The following STK3 variants were observed in gnomAD, a reference collection of about 807,000 sequenced individuals.
The protein encoded by STK3 is serine/threonine-protein kinase 3.
Under a neutral mutation model 58.0 loss-of-function variants are expected in STK3, and 41 were observed. The ratio of observed to expected loss-of-function variants is 0.71; its 90% CI spans 0.55 to 0.92. STK3 has a LOEUF of 0.92. Among genes scored for constraint, STK3 ranks in the 40% least tolerant of loss-of-function variants. STK3 has a pLI of 0.00. For synonymous variants in STK3, 170 were observed against 191.0 expected (o/e 0.89, Z 0.91); for missense variants, 479 against 602.7 (o/e 0.79, Z 2.15).
At chr8:98,643,137 G>A (rs1482944709) in intron 6 of STK3, among the ~76,000 whole-genome samples, 1 of 152,174 alleles carries the variant, frequency 6.6e-6, no homozygotes, top group African/African-American at 2.4e-5. Context: ...TGAGGTGGAA[G>A]GATCACTTGA....
intron 4 of STK3, among the ~76,000 whole-genome samples, chr8:98,707,774 C>A (rs993389963): frequency 6.6e-6 from 1 of 152,084 alleles, no homozygotes; most frequent in Non-Finnish European, 1.5e-5. Flanking sequence ...TCGAGAACCT[C>A]TTCTTCCCAC....
At chr8:98,517,132 A>G (rs1824990542) in intron 10 of STK3, among the ~76,000 whole-genome samples, 1 of 152,136 alleles carries the variant, frequency 6.6e-6, no homozygotes, top group East Asian at 1.9e-4. Flanking sequence ...TTTTTCCAAA[A>G]TACTTTCATC....
intron 1 of STK3, among the ~76,000 whole-genome samples, chr8:98,934,401 C>T (rs1297555816): frequency 6.6e-6 from 1 of 152,142 alleles, no homozygotes; most frequent in Non-Finnish European, 1.5e-5. Flanking sequence ...CAAGTCCGAC[C>T]CACCTTCTTT....
intron 6 of STK3, among the ~76,000 whole-genome samples, chr8:98,694,620 G>C (rs1444272957): frequency 6.6e-6 from 1 of 152,000 alleles, no homozygotes; most frequent in Non-Finnish European, 1.5e-5. Context: ...TTGTTCTTGC[G>C]ATAGTTTACT....
intron 6 of STK3, among the ~76,000 whole-genome samples, chr8:98,635,512 A>G (rs1024816058): frequency 6.6e-6 from 1 of 152,218 alleles, no homozygotes; most frequent in East Asian, 1.9e-4. Flanking sequence ...TCCAAAGTCC[A>G]TGATCTTAAT....
At chr8:98,485,490 C>T (rs889831888) in intron 10 of STK3, among the ~76,000 whole-genome samples, 2 of 152,162 alleles carry the variant, frequency 1.3e-5, no homozygotes, top group Non-Finnish European at 2.9e-5. Context: ...AGAACATACA[C>T]AGTCACAAGC....
At chr8:98,411,955 C>G (rs911990579) in intron 3 of STK3, among the ~76,000 whole-genome samples, 4 of 152,198 alleles carry the variant, frequency 2.6e-5, no homozygotes, top group Non-Finnish European at 5.9e-5. Flanking sequence ...CATTTTGCCT[C>G]TTTCTGTTCC....
At chr8:98,363,084 T>C in the STK3 span, among the ~76,000 whole-genome samples, 2 of 152,214 alleles carry the variant, frequency 1.3e-5, no homozygotes, top group African/African-American at 4.8e-5. Flanking sequence ...CAAACCACTG[T>C]AAAATTCTCA....
intron 3 of STK3, among the ~76,000 whole-genome samples, chr8:98,860,166 G>A (rs1399733431): frequency 6.6e-6 from 1 of 152,212 alleles, no homozygotes; most frequent in South Asian, 2.1e-4. Context: ...CAAGGTCCCT[G>A]TTCTCATGAA....
At position 98,825,659 on chromosome 8, in the gene STK3, C is replaced by T; in HGVS notation, c.-119G>A. 1 of 1,186,734 alleles carries T rather than the reference C, an allele frequency of 8.4e-7. No individual in the cohort carries two copies. Among genetic ancestry groups the T allele is most frequent in the South Asian group, 3.2e-5 (1 of 31,420 alleles). The allele number at this position is 1,186,734 out of a possible 1,614,324, so 73.5% of individuals were successfully genotyped here. On this transcript the variant is annotated 5_prime_UTR_variant, in exon 1 of 11. Transcript: ENST00000419617. ...CAGAGGGAAACTCTGGGAACTCGGACCAACTTTCCCGTAACTCCGCGGCGG... is the reference window on the plus strand; with the variant it reads ...CAGAGGGAAACTCTGGGAACTCGGATCAACTTTCCCGTAACTCCGCGGCGG...
chr8:98,424,680 C>A (rs1174669030), intron 3 of STK3, among the ~76,000 whole-genome samples: 1 of 152,046 alleles, frequency 6.6e-6, no homozygotes, highest in South Asian at 2.1e-4. Context: ...CAGAAGGAGG[C>A]GGGCAGATAC....
At chr8:98,811,045 G>A (rs1834187479) in intron 1 of STK3, among the ~76,000 whole-genome samples, 1 of 152,108 alleles carries the variant, frequency 6.6e-6, no homozygotes. Flanking sequence ...AGAACCATGG[G>A]CCAAGTAAAT....
intron 2 of STK3, among the ~76,000 whole-genome samples, chr8:98,435,616 G>A (rs551825376): frequency 6.6e-6 from 1 of 152,214 alleles, no homozygotes; most frequent in Non-Finnish European, 1.5e-5. Flanking sequence ...GGCTCTGCAG[G>A]ACTCCATCAG....
chr8:98,379,624 G>T (rs542302169), intron 1 of STK3, among the ~76,000 whole-genome samples: 180 of 152,262 alleles, frequency 1.2e-3, no homozygotes, highest in Non-Finnish European at 2.4e-3. Context: ...AGAAGTCACA[G>T]GTGCAGGGTC....
At chr8:98,344,033 A>T in the STK3 span, among the ~76,000 whole-genome samples, 1 of 152,184 alleles carries the variant, frequency 6.6e-6, no homozygotes, top group East Asian at 1.9e-4. Context: ...TATACACAGG[A>T]TTCCCCATAT....
chr8:98,869,038 G>GGAAGGAAA (rs1156572458), intron 3 of STK3, among the ~76,000 whole-genome samples: 101 of 108,008 alleles, frequency 9.4e-4, no homozygotes, highest in Non-Finnish European at 1.4e-3. Context: ...AAGGAAGGAA[G>GGAAGGAAA]GAAGGAAGGA....
intron 6 of STK3, among the ~76,000 whole-genome samples, chr8:98,623,047 A>C (rs1421169306): frequency 6.6e-6 from 1 of 152,296 alleles, no homozygotes; most frequent in East Asian, 1.9e-4. Context: ...AATGATGAGT[A>C]ATGCTCCAAA....
At chr8:98,754,146 T>C (rs948956423) in intron 3 of STK3, among the ~76,000 whole-genome samples, 2 of 152,204 alleles carry the variant, frequency 1.3e-5, no homozygotes, top group South Asian at 2.1e-4. Context: ...GTCTTGGGAA[T>C]TGAAAGTATG....
intron 1 of STK3, among the ~76,000 whole-genome samples, chr8:98,885,067 T>A (rs1228829146): frequency 1.3e-5 from 2 of 152,328 alleles, no homozygotes; most frequent in East Asian, 3.9e-4. Context: ...CAATGAGGAA[T>A]GTGTTAGCCA....
Sources: allele counts gnomAD v4.1 joint callset (sites outside exome capture counted in the v4.1 genomes callset), GRCh38; gene constraint gnomAD v4.1.1; transcripts MANE v1.5; gene names NCBI Gene and HGNC (gene_info 2026-07-23, HGNC 2026-07-21).